CCDC7: variants seen among roughly 807,000 people sequenced by gnomAD.
CCDC7 encodes the protein coiled-coil domain containing 7, also known as coiled-coil domain-containing protein 7.
In CCDC7, 183 loss-of-function variants were observed where a neutral mutation model predicts 196.9. That is an observed-to-expected ratio of 0.93 (90% confidence interval 0.82 to 1.05). CCDC7 has a LOEUF of 1.05. Among genes scored for constraint, CCDC7 ranks in the 50% least tolerant of loss-of-function variants. CCDC7 has a pLI of 0.00. For missense variants in CCDC7, 1,540 were observed against 1,482.2 expected (o/e 1.04, Z -0.64); for synonymous variants, 525 against 484.6 (o/e 1.08, Z -1.10).
intron 21 of CCDC7, among the ~76,000 whole-genome samples, chr10:32,684,440 C>T (rs1344211545): frequency 2.0e-5 from 3 of 151,900 alleles, no homozygotes. Context: ...GGTATGTGTC[C>T]CCAGGGGCTC....
At chr10:32,755,667 C>T (rs905905277) in intron 28 of CCDC7, among the ~76,000 whole-genome samples, 15 of 152,170 alleles carry the variant, frequency 9.9e-5, no homozygotes, top group Middle Eastern at 6.8e-3. Flanking sequence ...AGCAGAAGAG[C>T]TGAAAATTCT....
At chr10:32,497,457 T>G (rs1352471314) in intron 9 of CCDC7, among the ~76,000 whole-genome samples, 1 of 152,240 alleles carries the variant, frequency 6.6e-6, no homozygotes, top group East Asian at 1.9e-4. Flanking sequence ...TTGCTCTCGC[T>G]TCTCTTGTTC....
At chr10:32,696,241 C>A (rs2077708827) in intron 24 of CCDC7, among the ~76,000 whole-genome samples, 1 of 152,056 alleles carries the variant, frequency 6.6e-6, no homozygotes, top group African/African-American at 2.4e-5. Context: ...AAGAGACCTA[C>A]CTGTAGTCAG....
At chr10:32,696,671 G>A (rs1436073090) in intron 24 of CCDC7, among the ~76,000 whole-genome samples, 1 of 152,158 alleles carries the variant, frequency 6.6e-6, no homozygotes, top group Non-Finnish European at 1.5e-5. Flanking sequence ...CCCTGGTGAA[G>A]AGCCCATTAA....
intron 20 of CCDC7, among the ~76,000 whole-genome samples, chr10:32,650,428 T>C (rs981001279): frequency 1.3e-5 from 2 of 152,220 alleles, no homozygotes; most frequent in Non-Finnish European, 2.9e-5. Flanking sequence ...TGTAACTCTC[T>C]CACCAGGCTT....
chr10:32,820,619 T>C (rs1166328669), intron 31 of CCDC7, among the ~76,000 whole-genome samples: 1 of 152,070 alleles, frequency 6.6e-6, no homozygotes, highest in East Asian at 1.9e-4. Context: ...AAAACAGAGA[T>C]ATAGACCAAT....
chr10:32,609,348 T>C (rs932380129), intron 18 of CCDC7, among the ~76,000 whole-genome samples: 3 of 152,220 alleles, frequency 2.0e-5, no homozygotes, highest in African/African-American at 7.2e-5. Flanking sequence ...GATCCTGTTA[T>C]TATTATGTAA....
chr10:32,671,011 A>G (rs1387880271), intron 21 of CCDC7, among the ~76,000 whole-genome samples: 2 of 152,188 alleles, frequency 1.3e-5, no homozygotes, highest in Admixed American at 1.3e-4. Context: ...AGAGTAAAAA[A>G]GTAAAAAACA....
intron 9 of CCDC7, among the ~76,000 whole-genome samples, chr10:32,501,894 C>T (rs556679113): frequency 9.8e-5 from 15 of 152,328 alleles, no homozygotes; most frequent in African/African-American, 1.9e-4. Flanking sequence ...CTCCTCTCTT[C>T]GGAGCTGTCA....
intron 21 of CCDC7, among the ~76,000 whole-genome samples, chr10:32,685,480 A>G (rs745847346): frequency 3.9e-5 from 6 of 152,178 alleles, no homozygotes; most frequent in Non-Finnish European, 8.8e-5. Flanking sequence ...GGAATGAGAA[A>G]GGGGCTTTAC....
chr10:32,633,696 A>ATATATATATGTGTGTG lies in CCDC7; in HGVS notation c.1802-557_1802-556insATATATATGTGTGTGT, dbSNP rs779341941. Among the ~76,000 whole-genome samples the ATATATATATGTGTGTG allele has an allele frequency of 4.6e-4, 62 of 135,212 alleles. 1 individual carries two copies. Among genetic ancestry groups the ATATATATATGTGTGTG allele is most frequent in the South Asian group, 2.2e-3 (8 of 3,658 alleles). 88.7% of individuals were successfully genotyped at this position (135,212 alleles called of 152,430 possible). A position where few individuals can be genotyped will look rare whatever the true frequency, so the allele number is the denominator to read the frequency against. ...TTTAGCTTTGTGTATATATATATATATGTGTGTGTGTGTGTGTGTGTGTGT... is the reference window on the plus strand; with the variant it reads ...TTTAGCTTTGTGTATATATATATATATATATATATGTGTGTGTGTGTGTGTGTGTGTGTGTGTGTGT... On this transcript the variant is annotated intron_variant, in intron 18 of 41. Coordinates refer to ENST00000639629, the Ensembl canonical transcript of CCDC7.
At position 32,861,615 on chromosome 10, in the gene CCDC7, T is replaced by C. The variant is rs1444096765; in HGVS notation, c.4111+7126T>C. ...AGCTTCTGCACAGCAAAAGAAACTA[T>C]CATCATAGTGAACAGGCAACCTACA... is the stretch of plus-strand genomic sequence containing the variant. On this transcript the variant is annotated intron_variant, in intron 41 of 41. Transcript: ENST00000639629. 2.0e-5 allele frequency among the ~76,000 whole-genome samples: 3 copies of C among 152,036 alleles called. No homozygotes were observed. The South Asian group carries it at 6.2e-4, about 32-fold the overall frequency.
chr10:32,667,366 C>T (rs933557845), intron 21 of CCDC7, among the ~76,000 whole-genome samples: 2 of 151,984 alleles, frequency 1.3e-5, no homozygotes, highest in African/African-American at 2.4e-5. Context: ...AGAAACTCTT[C>T]AGTTTAATTA....
intron 18 of CCDC7, among the ~76,000 whole-genome samples, chr10:32,593,178 A>G (rs1161888176): frequency 1.3e-5 from 2 of 152,164 alleles, no homozygotes; most frequent in Non-Finnish European, 2.9e-5. Context: ...GTGTAAAAGC[A>G]TTCCTATTTC....
intron 25 of CCDC7, 32 bp from the exon 27 acceptor site, chr10:32,726,702 A>G (rs758238337): frequency 3.1e-6 from 4 of 1,285,002 alleles, no homozygotes; most frequent in South Asian, 1.3e-5. Flanking sequence ...TTAGCGGACT[A>G]AATGTATCTC....
intron 18 of CCDC7, among the ~76,000 whole-genome samples, chr10:32,590,360 A>G (rs1209340083): frequency 2.6e-5 from 4 of 152,110 alleles, no homozygotes; most frequent in Non-Finnish European, 5.9e-5. Context: ...CAAAAAGGAA[A>G]CTAGCAAAAA....
At chr10:32,808,052 C>A (rs745379569) in intron 30 of CCDC7, among the ~76,000 whole-genome samples, 7 of 152,128 alleles carry the variant, frequency 4.6e-5, no homozygotes, top group Non-Finnish European at 1.0e-4. Flanking sequence ...TACCCAGCGG[C>A]AGGACCACCA....
At chr10:32,474,135 A>G (rs1045473210) in intron 8 of CCDC7, 112 bp downstream of exon 9, 2 of 953,564 alleles carry the variant, frequency 2.1e-6, no homozygotes, top group South Asian at 2.6e-5. Context: ...TGGAGTTTGG[A>G]GCCATATAGT....
chr10:32,482,013 G>A (rs61855999), intron 8 of CCDC7, among the ~76,000 whole-genome samples: 302 of 151,878 alleles, frequency 2.0e-3, no homozygotes, highest in Non-Finnish European at 2.9e-3. Flanking sequence ...GTTTGGAGAC[G>A]TTTTATCTTT....
Sources: gnomAD v4.1 joint callset for allele counts (sites outside exome capture counted in the v4.1 genomes callset) on GRCh38, gnomAD v4.1.1 for gene constraint, MANE v1.5 for transcripts, NCBI Gene and HGNC (gene_info 2026-07-23, HGNC 2026-07-21) for gene names.